DRC8: variants seen among roughly 807,000 people sequenced by gnomAD.
The protein encoded by DRC8 is dynein regulatory complex subunit 8, also known as dynein regulatory complex protein 8.
chr1:244,970,115 G>A, the DRC8 span: 8 of 674,818 alleles, frequency 1.2e-5, no homozygotes, highest in Non-Finnish European at 2.1e-5. Flanking sequence ...ACCGTGTGAT[G>A]AAGCAACATG....
At chr1:245,030,438 A>T in the DRC8 span, among the ~76,000 whole-genome samples, 2 of 152,224 alleles carry the variant, frequency 1.3e-5, no homozygotes, top group Non-Finnish European at 2.9e-5. Flanking sequence ...TTATATGCAA[A>T]TACTATGCCA....
the DRC8 span, among the ~76,000 whole-genome samples, chr1:245,075,377 G>A: frequency 2.6e-5 from 4 of 152,208 alleles, no homozygotes. Flanking sequence ...CACATGCTTT[G>A]AGGCTGAGAT....
the DRC8 span, among the ~76,000 whole-genome samples, chr1:245,021,504 C>T: frequency 6.6e-6 from 1 of 152,106 alleles, no homozygotes; most frequent in Non-Finnish European, 1.5e-5. Flanking sequence ...GGCCCAATCT[C>T]GGCTCATTGT....
the DRC8 span, among the ~76,000 whole-genome samples, chr1:245,063,316 C>G: frequency 9.9e-5 from 15 of 152,170 alleles, no homozygotes; most frequent in African/African-American, 3.6e-4. Flanking sequence ...GAGAAAGTGC[C>G]TGAAGTCGAT....
chr1:245,014,512 T>G, the DRC8 span, among the ~76,000 whole-genome samples: 2 of 152,180 alleles, frequency 1.3e-5, no homozygotes, highest in Non-Finnish European at 2.9e-5. Flanking sequence ...TATCAATAAA[T>G]TATGGTGTAT....
chr1:245,045,756 TGTGGACAGCAGCC>T, the DRC8 span, among the ~76,000 whole-genome samples: 1 of 151,472 alleles, frequency 6.6e-6, no homozygotes, highest in Admixed American at 6.6e-5. Context: ...TCTGACTGGT[TGTGGACAGCAGCC>T]ATCGGTCTGA....
the DRC8 span, among the ~76,000 whole-genome samples, chr1:245,042,721 GT>G: frequency 2.0e-5 from 3 of 152,272 alleles, no homozygotes; most frequent in African/African-American, 7.2e-5. Flanking sequence ...CAGGTAAAAT[GT>G]TTTGCCTATT....
At chr1:245,064,008 C>T in the DRC8 span, among the ~76,000 whole-genome samples, 2 of 152,164 alleles carry the variant, frequency 1.3e-5, no homozygotes, top group Non-Finnish European at 2.9e-5. Context: ...CAGGCGTGAC[C>T]AACCACGCCC....
the DRC8 span, among the ~76,000 whole-genome samples, chr1:245,104,353 G>C: frequency 6.6e-6 from 1 of 151,472 alleles, no homozygotes; most frequent in East Asian, 1.9e-4. Context: ...AAAATACAAA[G>C]AGCAGCCGGG....
At chr1:245,039,464 C>A in the DRC8 span, among the ~76,000 whole-genome samples, 3 of 143,792 alleles carry the variant, frequency 2.1e-5, no homozygotes, top group Non-Finnish European at 4.5e-5. Context: ...CAGAGTGAGA[C>A]GCTGCCTCTT....
chr1:245,057,623 T>C, the DRC8 span, among the ~76,000 whole-genome samples: 1 of 148,704 alleles, frequency 6.7e-6, no homozygotes, highest in South Asian at 2.1e-4. Flanking sequence ...TTCCCAATCT[T>C]GTCTCCTTCA....
the DRC8 span, among the ~76,000 whole-genome samples, chr1:245,014,721 C>A: frequency 9.2e-5 from 14 of 152,222 alleles, no homozygotes; most frequent in Admixed American, 5.9e-4. Context: ...GATCTGAGTT[C>A]AGTCCAGCTC....
chr1:245,075,451 G>A, the DRC8 span: 1 of 152,276 alleles, frequency 6.6e-6, no homozygotes, highest in African/African-American at 2.4e-5. Flanking sequence ...TGGGGAAGAG[G>A]AGGAGAGAGA....
chr1:244,984,507 A>C, the DRC8 span, among the ~76,000 whole-genome samples: 1 of 152,288 alleles, frequency 6.6e-6, no homozygotes, highest in Non-Finnish European at 1.5e-5. Context: ...CTTCTTATTA[A>C]GAGTAAATGT....
the DRC8 span, among the ~76,000 whole-genome samples, chr1:245,072,696 G>T: frequency 6.6e-6 from 1 of 152,174 alleles, no homozygotes; most frequent in Non-Finnish European, 1.5e-5. Context: ...TGTAATCCTC[G>T]GTGTCAGAGA....
chr1:245,023,426 G>A, the DRC8 span, among the ~76,000 whole-genome samples: 1 of 152,168 alleles, frequency 6.6e-6, no homozygotes, highest in Non-Finnish European at 1.5e-5. Flanking sequence ...TGGTAGTTCT[G>A]TGTTTGATAT....
chr1:245,037,224 A>G, the DRC8 span, among the ~76,000 whole-genome samples: 1 of 152,226 alleles, frequency 6.6e-6, no homozygotes, highest in African/African-American at 2.4e-5. Flanking sequence ...TTACAAAACA[A>G]TCTTATGAAT....
the DRC8 span, among the ~76,000 whole-genome samples, chr1:245,001,301 G>T: frequency 1.3e-5 from 2 of 152,168 alleles, no homozygotes; most frequent in African/African-American, 4.8e-5. Context: ...GGAGGGATTT[G>T]TTTTGGGGTC....
the DRC8 span, among the ~76,000 whole-genome samples, chr1:245,031,184 G>A: frequency 6.6e-6 from 1 of 151,978 alleles, no homozygotes; most frequent in African/African-American, 2.4e-5. Flanking sequence ...TAAACTCACC[G>A]GTTTATTACC....
Sources: allele counts gnomAD v4.1 joint callset (sites outside exome capture counted in the v4.1 genomes callset), GRCh38; gene constraint gnomAD v4.1.1; transcripts MANE v1.5; gene names NCBI Gene and HGNC (gene_info 2026-07-23, HGNC 2026-07-21).